GLS: variants seen among roughly 807,000 people sequenced by gnomAD.
GLS encodes the protein glutaminase.
A neutral mutation model predicts 86.7 loss-of-function variants in GLS; 36 were observed. The ratio of observed to expected loss-of-function variants is 0.42; its 90% CI spans 0.32 to 0.55. The LOEUF is 0.55. Among genes scored for constraint, GLS ranks in the 20% least tolerant of loss-of-function variants. GLS has a pLI of 0.17. For missense variants in GLS, 528 were observed against 833.4 expected (o/e 0.63, Z 4.51); for synonymous variants, 317 against 305.9 (o/e 1.04, Z -0.38).
intron 1 of GLS, among the ~76,000 whole-genome samples, chr2:190,891,846 G>T (rs1688573617): frequency 6.6e-6 from 1 of 152,066 alleles, no homozygotes; most frequent in South Asian, 2.1e-4. Context: ...CACATTCTGT[G>T]CTCTAGCTGT....
intron 7 of GLS, among the ~76,000 whole-genome samples, chr2:190,918,563 T>G (rs1689622087): frequency 6.6e-6 from 1 of 152,186 alleles, no homozygotes; most frequent in Non-Finnish European, 1.5e-5. Flanking sequence ...TGCTGTTTTG[T>G]TTTCCATCAT....
chr2:190,937,139 T>C (rs1356326754), intron 14 of GLS, among the ~76,000 whole-genome samples: 1 of 151,458 alleles, frequency 6.6e-6, no homozygotes, highest in East Asian at 1.9e-4. Flanking sequence ...CTCTGTCATG[T>C]AGTTCAAGGG....
At chr2:190,907,253 T>A (rs1689180774) in intron 6 of GLS, among the ~76,000 whole-genome samples, 1 of 150,552 alleles carries the variant, frequency 6.6e-6, no homozygotes, top group African/African-American at 2.4e-5. Flanking sequence ...GTTTTTTTTT[T>A]TTTTTGAGAC....
At chr2:190,941,471 G>T (rs549531375) in intron 14 of GLS, among the ~76,000 whole-genome samples, 9 of 152,272 alleles carry the variant, frequency 5.9e-5, no homozygotes, top group African/African-American at 1.9e-4. Flanking sequence ...AGCATGGTTA[G>T]CTGTATCTTT....
chr2:190,899,669 G>T (rs1688871114), intron 3 of GLS, among the ~76,000 whole-genome samples: 1 of 152,030 alleles, frequency 6.6e-6, no homozygotes, highest in South Asian at 2.1e-4. Flanking sequence ...TTCTATTACT[G>T]CATTACAGAG....
rs1690659918 is a variant in GLS at position 190,949,433 on chromosome 2, C to G, written c.1651-4132C>G. Among the ~76,000 whole-genome samples, 1 of 152,138 alleles carries G rather than the reference C, an allele frequency of 6.6e-6. No individual in the cohort carries two copies. Among genetic ancestry groups the G allele is most frequent in the South Asian group, 2.1e-4 (1 of 4,822 alleles). On this transcript the variant is annotated intron_variant, in intron 14 of 17. Coordinates refer to ENST00000320717, the MANE Select transcript of GLS (RefSeq NM_014905.5). The surrounding 1 kb of genome is among the most constrained non-coding windows in gnomAD (Gnocchi z 4.0). ...GATGGGCTGGGCACAGGGGCTCACACCTGTAATCCCTACACTTTGGGAGGC... is the reference window on the plus strand; with the variant it reads ...GATGGGCTGGGCACAGGGGCTCACAGCTGTAATCCCTACACTTTGGGAGGC...
chr2:190,936,725 A>T (rs1217768715), intron 14 of GLS, among the ~76,000 whole-genome samples: 3 of 151,226 alleles, frequency 2.0e-5, no homozygotes, highest in Non-Finnish European at 4.5e-5. Context: ...ATGTATTATA[A>T]GGAAGGATTG....
intron 1 of GLS, among the ~76,000 whole-genome samples, chr2:190,883,643 A>G (rs1688281331): frequency 6.6e-6 from 1 of 152,240 alleles, no homozygotes; most frequent in African/African-American, 2.4e-5. Context: ...TCAGGCTTGC[A>G]CATGAAGGTT....
rs989213793 is a variant in GLS at position 190,921,250 on chromosome 2, A to G, written c.1130+47A>G. The G allele has an allele frequency of 3.4e-6, 4 of 1,181,640 alleles. No homozygotes were observed. The highest frequency in any genetic ancestry group is 5.1e-6 in the Non-Finnish European group (4 of 787,122). 73.2% of individuals were successfully genotyped at this position (1,181,640 alleles called of 1,614,324 possible). A position where few individuals can be genotyped will look rare whatever the true frequency, so the allele number is the denominator to read the frequency against. ...TTGTTACGTAAAAACACACAACTGT[A>G]TTTAGAATTGATCCACTCTCTTTTC... On this transcript the variant is annotated intron_variant, in intron 9 of 17. Coordinates refer to ENST00000320717, the MANE Select transcript of GLS (RefSeq NM_014905.5). The surrounding 1 kb of genome is among the most constrained non-coding windows in gnomAD (Gnocchi z 4.2).
At chr2:190,927,220 A>G (rs1277386155) in intron 11 of GLS, 86 bp from the exon 12 acceptor site, 9 of 985,140 alleles carry the variant, frequency 9.1e-6, no homozygotes, top group African/African-American at 1.7e-5. Context: ...TCAGATCTGT[A>G]TGAAATACCA....
chr2:190,909,180 A>AT (rs1689266143), intron 6 of GLS, among the ~76,000 whole-genome samples: 1 of 150,092 alleles, frequency 6.7e-6, no homozygotes, highest in African/African-American at 2.4e-5. Context: ...AATGTAGGAT[A>AT]TTTTTCTTTT....
chr2:190,886,065 A>T (rs1192841198), intron 1 of GLS, among the ~76,000 whole-genome samples: 1 of 151,800 alleles, frequency 6.6e-6, no homozygotes, highest in East Asian at 1.9e-4. Flanking sequence ...GTAAGATGGG[A>T]ATTTACCATG....
chr2:190,957,876 G>T (rs1037177066), intron 17 of GLS, among the ~76,000 whole-genome samples: 4 of 152,060 alleles, frequency 2.6e-5, no homozygotes, highest in African/African-American at 2.4e-5. Context: ...TTCTTTTTTT[G>T]TTGTGTCTCT....
rs960367389 is a variant in GLS at position 190,921,920 on chromosome 2, G to T, written c.1130+717G>T. ...TTTTTAGATTCAGGAACAAATCAAG[G>T]TTCTTACATTGTATTTATTACGATG... On this transcript the variant is annotated intron_variant, in intron 9 of 17. Transcript: ENST00000320717. This position sits in a 1 kb window ranked among gnomAD's most constrained non-coding sequence, Gnocchi z 4.2. 6.6e-6 allele frequency among the ~76,000 whole-genome samples: 1 copy of T among 152,002 alleles called. No individual in the cohort carries two copies. Among genetic ancestry groups the T allele is most frequent in the Non-Finnish European group, 1.5e-5 (1 of 67,932 alleles).
intron 1 of GLS, among the ~76,000 whole-genome samples, chr2:190,882,946 C>T (rs570527820): frequency 6.6e-6 from 1 of 152,308 alleles, no homozygotes; most frequent in Admixed American, 6.5e-5. Context: ...AAGGAAGTAA[C>T]GAGTTTACAT....
In GLS at chr2:190,943,061, C is replaced by T. The variant is rs1379458355; in HGVS notation, c.1651-10504C>T. On this transcript the variant is annotated intron_variant, in intron 14 of 17. Transcript: ENST00000320717. This position sits in a 1 kb window ranked among gnomAD's most constrained non-coding sequence, Gnocchi z 4.5. ...ACCTGACGCTCATTGACCAGACTAA[C>T]TGCAAGGGAATCTGGGAAAGTGTTT... Among the ~76,000 whole-genome samples the T allele has an allele frequency of 2.0e-5, 3 of 152,176 alleles. No individual in the cohort carries two copies. Among genetic ancestry groups the T allele is most frequent in the African/African-American group, 7.2e-5 (3 of 41,444 alleles).
In GLS at chr2:190,924,297, G is replaced by T. The variant is rs1689833428; in HGVS notation, c.1198-246G>T. 6.6e-6 allele frequency among the ~76,000 whole-genome samples: 1 copy of T among 151,752 alleles called. No homozygotes were observed. Among genetic ancestry groups the T allele is most frequent in the African/African-American group, 2.4e-5 (1 of 41,300 alleles). ...CTACTCTTGATTTTTTTAAGTGGCTGGTCTAGTAACTTGATTTATAAATCA... is the reference window on the plus strand; with the variant it reads ...CTACTCTTGATTTTTTTAAGTGGCTTGTCTAGTAACTTGATTTATAAATCA... On this transcript the variant is annotated intron_variant, in intron 10 of 17. Coordinates refer to ENST00000320717, the MANE Select transcript of GLS (RefSeq NM_014905.5). The surrounding 1 kb of genome is among the most constrained non-coding windows in gnomAD (Gnocchi z 5.2).
At position 190,880,937 on chromosome 2, in the gene GLS, G is replaced by T; in HGVS notation, c.-148G>T. On this transcript the variant is annotated 5_prime_UTR_variant, in exon 1 of 18. Transcript: ENST00000320717. ...GCAGCAGCACCCGCATCCGCTGCGG[G>T]AGTCCGAGCCGGAACCACACCCAAG... The T allele has an allele frequency of 1.0e-6, 1 of 989,232 alleles. No individual in the cohort carries two copies. Among genetic ancestry groups the T allele is most frequent in the Non-Finnish European group, 1.5e-6 (1 of 662,356 alleles). 61.3% of individuals were successfully genotyped at this position (989,232 alleles called of 1,614,324 possible).
At chr2:190,932,885 A>G (rs969944816) in intron 14 of GLS, 7 of 1,442,668 alleles carry the variant, frequency 4.9e-6, no homozygotes, top group Non-Finnish European at 6.4e-6. Context: ...TAGTTTCAGA[A>G]TGTTTCTTCA....
Sources: gnomAD v4.1 joint callset for allele counts (sites outside exome capture counted in the v4.1 genomes callset) on GRCh38, gnomAD v4.1.1 for gene constraint, Gnocchi (gnomAD v3.1) non-coding constraint, MANE v1.5 for transcripts, NCBI Gene and HGNC (gene_info 2026-07-23, HGNC 2026-07-21) for gene names.